Variants in PBX1 observed in about 807,000 individuals in gnomAD.
PBX1 encodes pre-B-cell leukemia transcription factor 1.
A neutral mutation model predicts 53.4 loss-of-function variants in PBX1; 6 were observed. The ratio of observed to expected loss-of-function variants is 0.11; its 90% CI spans 0.06 to 0.22. The LOEUF is 0.22. Among genes scored for constraint, PBX1 ranks in the 10% least tolerant of loss-of-function variants. PBX1 has a pLI of 1.00. For synonymous variants in PBX1, 204 were observed against 212.3 expected (o/e 0.96, Z 0.34); for missense variants, 251 against 551.4 (o/e 0.46, Z 5.46).
chr1:164,753,974 G>C (rs1666361853), intron 2 of PBX1, among the ~76,000 whole-genome samples: 1 of 152,128 alleles, frequency 6.6e-6, no homozygotes, highest in African/African-American at 2.4e-5. Context: ...GAAGGGGTCA[G>C]TACTCTTTGT....
At chr1:164,616,582 A>T (rs747942704) in intron 2 of PBX1, among the ~76,000 whole-genome samples, 8 of 152,154 alleles carry the variant, frequency 5.3e-5, no homozygotes, top group African/African-American at 9.7e-5. Context: ...AAGGACAAAA[A>T]CCTGACTGAG....
At chr1:164,865,305 C>G (rs1672191751) in intron 2 of PBX1, among the ~76,000 whole-genome samples, 1 of 152,192 alleles carries the variant, frequency 6.6e-6, no homozygotes, top group African/African-American at 2.4e-5. Context: ...AGGAACATCT[C>G]AAGGTTTGCT....
At chr1:164,676,360 G>A (rs1450116002) in intron 2 of PBX1, among the ~76,000 whole-genome samples, 3 of 152,074 alleles carry the variant, frequency 2.0e-5, no homozygotes, top group Non-Finnish European at 4.4e-5. Flanking sequence ...CAAGATAGTA[G>A]GAGAATGGAA....
At chr1:164,752,453 C>A (rs185409787) in intron 2 of PBX1, among the ~76,000 whole-genome samples, 53 of 152,064 alleles carry the variant, frequency 3.5e-4, no homozygotes, top group African/African-American at 1.3e-3. Flanking sequence ...GGGGAGAATG[C>A]AGAATGTGGA....
At chr1:164,648,733 G>GC (rs1048108410) in intron 2 of PBX1, among the ~76,000 whole-genome samples, 2 of 152,182 alleles carry the variant, frequency 1.3e-5, no homozygotes, top group African/African-American at 4.8e-5. Context: ...AGGGCGTTTG[G>GC]CTTTCTTTTT....
At chr1:164,582,216 C>G (rs998238670) in intron 2 of PBX1, among the ~76,000 whole-genome samples, 1 of 152,114 alleles carries the variant, frequency 6.6e-6, no homozygotes. Context: ...CTCTTTGGGT[C>G]AAACTAGTCT....
At chr1:164,581,818 CT>C (rs1282597769) in intron 2 of PBX1, among the ~76,000 whole-genome samples, 2 of 152,022 alleles carry the variant, frequency 1.3e-5, no homozygotes, top group African/African-American at 2.4e-5. Context: ...ACTAATTTAC[CT>C]TTAATCATAC....
At chr1:164,871,907 C>T (rs1345916605) in intron 2 of PBX1, among the ~76,000 whole-genome samples, 2 of 138,666 alleles carry the variant, frequency 1.4e-5, no homozygotes, top group Non-Finnish European at 3.2e-5. Flanking sequence ...AAGAACACAC[C>T]GAACTCAAAG....
chr1:164,767,314 G>C (rs577475922), intron 2 of PBX1, among the ~76,000 whole-genome samples: 1 of 152,108 alleles, frequency 6.6e-6, no homozygotes, highest in African/African-American at 2.4e-5. Context: ...AACCAAACAC[G>C]GGGTCCTTCT....
At chr1:164,610,786 C>T (rs1425317281) in intron 2 of PBX1, among the ~76,000 whole-genome samples, 3 of 152,280 alleles carry the variant, frequency 2.0e-5, no homozygotes, top group Admixed American at 6.5e-5. Context: ...CACATTCTGC[C>T]ATGGATGGTA....
At chr1:164,766,596 C>T (rs903835377) in intron 2 of PBX1, among the ~76,000 whole-genome samples, 4 of 152,130 alleles carry the variant, frequency 2.6e-5, no homozygotes, top group South Asian at 4.1e-4. Context: ...CCTTATCCCA[C>T]GCCCTCTGAT....
intron 2 of PBX1, among the ~76,000 whole-genome samples, chr1:164,871,845 A>G (rs1272394896): frequency 1.8e-5 from 2 of 109,980 alleles, no homozygotes; most frequent in Non-Finnish European, 4.0e-5. Flanking sequence ...TCTACTGCAC[A>G]CCATTCTCTA....
At chr1:164,668,929 G>T (rs550036477) in intron 2 of PBX1, among the ~76,000 whole-genome samples, 1 of 152,180 alleles carries the variant, frequency 6.6e-6, no homozygotes, top group African/African-American at 2.4e-5. Flanking sequence ...GGCAGAATCC[G>T]TTTAGATTTT....
rs1299902874 is a variant in PBX1 at position 164,847,152 on chromosome 1, C to CTCT, written c.*478_*480dup. 1 of 1,089,060 alleles carries CTCT rather than the reference C, an allele frequency of 9.2e-7. No individual in the cohort carries two copies. Among genetic ancestry groups the CTCT allele is most frequent in the Non-Finnish European group, 1.1e-6 (1 of 891,208 alleles). 67.5% of individuals were successfully genotyped at this position (1,089,060 alleles called of 1,614,324 possible). Reference sequence around the variant, plus strand: ...GTTAACAGGCAATCCTTCTCTGTTTCTCTTATTACTCTCACTACCTCTTAG... The same window carrying CTCT: ...GTTAACAGGCAATCCTTCTCTGTTTCTCTTCTTATTACTCTCACTACCTCTTAG... On this transcript the variant is annotated 3_prime_UTR_variant, in exon 9 of 9. Transcript: ENST00000420696.
intron 2 of PBX1, chr1:164,590,381 G>C (rs1441640150): frequency 2.2e-6 from 1 of 455,874 alleles, no homozygotes; most frequent in Non-Finnish European, 4.4e-6. Context: ...CTCTGGACTT[G>C]CTCACTTGCA....
intron 2 of PBX1, among the ~76,000 whole-genome samples, chr1:164,598,779 T>C (rs761297917): frequency 9.9e-5 from 15 of 152,190 alleles, no homozygotes; most frequent in Non-Finnish European, 5.9e-5. Context: ...ACACCTGAAA[T>C]AGCTTGACAT....
At chr1:164,605,948 C>T (rs934987503) in intron 2 of PBX1, among the ~76,000 whole-genome samples, 2 of 152,138 alleles carry the variant, frequency 1.3e-5, no homozygotes, top group Admixed American at 6.5e-5. Flanking sequence ...TGAATTCAGA[C>T]ACTTTTGGTA....
chr1:164,702,853 A>G (rs553851598), intron 2 of PBX1, among the ~76,000 whole-genome samples: 14 of 152,158 alleles, frequency 9.2e-5, no homozygotes, highest in African/African-American at 9.6e-5. Flanking sequence ...GCATATGCCT[A>G]TATTCATTAT....
chr1:164,572,436 A>C (rs1291561418), intron 2 of PBX1, among the ~76,000 whole-genome samples: 1 of 152,216 alleles, frequency 6.6e-6, no homozygotes. Context: ...ATCAGGATTT[A>C]TGTGAAATCT....
Sources: allele counts gnomAD v4.1 joint callset (sites outside exome capture counted in the v4.1 genomes callset), GRCh38; gene constraint gnomAD v4.1.1; transcripts MANE v1.5; gene names NCBI Gene and HGNC (gene_info 2026-07-23, HGNC 2026-07-21).